MBNL1: variants seen among roughly 807,000 people sequenced by gnomAD.
MBNL1 encodes muscleblind like splicing regulator 1.
In MBNL1, 8 loss-of-function variants were observed where a neutral mutation model predicts 42.2. The observed-to-expected ratio is 0.19, with a 90% CI of 0.11 to 0.34. The LOEUF is 0.34. MBNL1 is among the 10% of genes least tolerant of loss of function. The pLI, the probability that MBNL1 is intolerant of heterozygous loss-of-function variation, is 1.00. For missense variants in MBNL1, 309 were observed against 495.3 expected (o/e 0.62, Z 3.57); for synonymous variants, 169 against 173.9 (o/e 0.97, Z 0.22).
chr3:152,319,971 T>G (rs2075380072), intron 2 of MBNL1, among the ~76,000 whole-genome samples: 1 of 152,156 alleles, frequency 6.6e-6, no homozygotes, highest in African/African-American at 2.4e-5. Flanking sequence ...TTCCTTCCTT[T>G]TTATGTGTCA....
chr3:152,312,741 A>G (rs993857514), intron 2 of MBNL1, among the ~76,000 whole-genome samples: 4 of 152,052 alleles, frequency 2.6e-5, no homozygotes, highest in African/African-American at 9.7e-5. Flanking sequence ...CTTTCATTTC[A>G]TTTCTCTGGA....
chr3:152,247,378 A>T (rs2033319567), intron 2 of MBNL1, among the ~76,000 whole-genome samples: 1 of 152,040 alleles, frequency 6.6e-6, no homozygotes. Context: ...AATTATTATG[A>T]TTGCAAAAAT....
At chr3:152,407,038 G>C (rs985365552) in intron 2 of MBNL1, among the ~76,000 whole-genome samples, 2 of 116,822 alleles carry the variant, frequency 1.7e-5, no homozygotes, top group African/African-American at 6.1e-5. Flanking sequence ...CTCAATAATT[G>C]TTAAGCCACT....
chr3:152,429,305 A>G (rs571737045), intron 3 of MBNL1, among the ~76,000 whole-genome samples: 58 of 152,352 alleles, frequency 3.8e-4, no homozygotes, highest in Middle Eastern at 3.4e-3. Context: ...TAATGGAATC[A>G]ATGTCTGATT....
chr3:152,369,324 A>C (rs371100974), intron 2 of MBNL1, among the ~76,000 whole-genome samples: 2 of 152,232 alleles, frequency 1.3e-5, no homozygotes, highest in East Asian at 3.9e-4. Flanking sequence ...ATTGATTTGC[A>C]TATGTTGAAC....
At chr3:152,346,469 AAG>A (rs1270458278) in intron 2 of MBNL1, among the ~76,000 whole-genome samples, 9 of 152,224 alleles carry the variant, frequency 5.9e-5, no homozygotes, top group African/African-American at 1.9e-4. Context: ...TTATTCTGAG[AAG>A]AGTTTATTTT....
At chr3:152,267,751 G>A (rs1382069551), upstream of MBNL1, 1 of 152,070 alleles carries the variant, frequency 6.6e-6, no homozygotes, top group Non-Finnish European at 1.5e-5. Flanking sequence ...AACTAAAGTC[G>A]GCTATTAGTG....
At position 152,447,764 on chromosome 3, in the gene MBNL1, C is replaced by T; in HGVS notation, c.952C>T (p.Leu318Phe). 6.2e-7 allele frequency: 1 copy of T among 1,613,206 alleles called. No homozygotes were observed. Among genetic ancestry groups the T allele is most frequent in the Non-Finnish European group, 8.5e-7 (1 of 1,179,366 alleles). Residue 318 changes from leucine to phenylalanine, a missense_variant, in exon 6 of 10, where the codon CTC (leucine) becomes TTC (phenylalanine). Coordinates refer to ENST00000324210, the MANE Select transcript of MBNL1 (RefSeq NM_021038.5). ...GCAGTTACAACAGCATACAGCATTTCTCCCACCAGGTAAGGGGTGGGGTTT... is the reference window on the plus strand; with the variant it reads ...GCAGTTACAACAGCATACAGCATTTTTCCCACCAGGTAAGGGGTGGGGTTT... ...NMQLQQHTAF[L>F]PPGSILCMTP...
intron 1 of MBNL1, among the ~76,000 whole-genome samples, chr3:152,284,149 T>C (rs1354203762): frequency 6.6e-6 from 1 of 152,182 alleles, no homozygotes; most frequent in Non-Finnish European, 1.5e-5. Context: ...ATATTGTTAA[T>C]GAATATATTC....
intron 2 of MBNL1, among the ~76,000 whole-genome samples, chr3:152,399,146 T>C (rs1322306184): frequency 6.6e-6 from 1 of 152,190 alleles, no homozygotes; most frequent in Non-Finnish European, 1.5e-5. Context: ...CACTGTCCCA[T>C]AGCACAGAGC....
At chr3:152,316,898 T>G (rs546477087) in intron 2 of MBNL1, among the ~76,000 whole-genome samples, 50 of 152,250 alleles carry the variant, frequency 3.3e-4, no homozygotes, top group Non-Finnish European at 6.5e-4. Flanking sequence ...GCTTTGCTTA[T>G]TAAAACTATG....
At chr3:152,245,871 G>T (rs949790887) in intron 2 of MBNL1, among the ~76,000 whole-genome samples, 1 of 152,128 alleles carries the variant, frequency 6.6e-6, no homozygotes, top group African/African-American at 2.4e-5. Context: ...TTAAGTTGAT[G>T]GTTGTTAGAA....
chr3:152,313,186 C>T (rs913162872), intron 2 of MBNL1, among the ~76,000 whole-genome samples: 1 of 152,108 alleles, frequency 6.6e-6, no homozygotes, highest in Non-Finnish European at 1.5e-5. Flanking sequence ...CCACACCTGG[C>T]TGATTTTTTT....
intron 2 of MBNL1, among the ~76,000 whole-genome samples, chr3:152,400,228 C>T (rs1371519090): frequency 6.6e-6 from 1 of 152,162 alleles, no homozygotes; most frequent in East Asian, 1.9e-4. Flanking sequence ...TAATTGTCTT[C>T]CTAAACAAAC....
rs184161803 is a variant in MBNL1 at position 152,383,790 on chromosome 3, C to A, written c.175-31151C>A. On this transcript the variant is annotated intron_variant, in intron 2 of 9. Transcript: ENST00000324210. ...TGCTGCCATGTTGGAAAAATAACAC[C>A]TAGCAAAAATGATTAATGTGGAAGG... 3.2e-3 allele frequency among the ~76,000 whole-genome samples: 480 copies of A among 152,062 alleles called. 3 individuals are homozygous for A. Among genetic ancestry groups the A allele is most frequent in the Non-Finnish European group, 5.3e-3 (359 of 67,910 alleles).
intron 2 of MBNL1, among the ~76,000 whole-genome samples, chr3:152,375,888 C>T (rs971474557): frequency 1.3e-5 from 2 of 151,670 alleles, no homozygotes; most frequent in Non-Finnish European, 2.9e-5. Flanking sequence ...TATTTTCCAA[C>T]TGGTTTAATA....
At chr3:152,256,872 C>T (rs886513151) in intron 2 of MBNL1, among the ~76,000 whole-genome samples, 46 of 152,176 alleles carry the variant, frequency 3.0e-4, no homozygotes, top group African/African-American at 9.9e-4. Flanking sequence ...AAAACATTAC[C>T]TGGCCTTGGA....
chr3:152,307,379 A>G (rs2063734006), intron 2 of MBNL1, among the ~76,000 whole-genome samples: 2 of 152,240 alleles, frequency 1.3e-5, no homozygotes, highest in South Asian at 4.1e-4. Context: ...AAGTGATTTT[A>G]TATGACAAAA....
chr3:152,338,128 C>T, intron 2 of MBNL1: 1 of 984,188 alleles, frequency 1.0e-6, no homozygotes, highest in South Asian at 4.7e-5. Context: ...AACTAAATCT[C>T]CATACCCACT....
Sources: allele counts gnomAD v4.1 joint callset (sites outside exome capture counted in the v4.1 genomes callset), GRCh38; gene constraint gnomAD v4.1.1; transcripts MANE v1.5; gene names NCBI Gene and HGNC (gene_info 2026-07-23, HGNC 2026-07-21).